ME1: variants seen among roughly 807,000 people sequenced by gnomAD.
ME1 encodes malic enzyme 1, also known as NADP-dependent malic enzyme.
ME1 carries 74 observed loss-of-function variants against 66.4 expected under a neutral mutation model. The ratio of observed to expected loss-of-function variants is 1.11; its 90% CI spans 0.92 to 1.35. ME1 has a LOEUF of 1.35. Ranked by LOEUF, ME1 falls within the 40% of genes most tolerant of loss-of-function variation. ME1 has a pLI of 0.00. For synonymous variants in ME1, 251 were observed against 235.6 expected (o/e 1.07, Z -0.60); for missense variants, 750 against 694.1 (o/e 1.08, Z -0.90).
At chr6:83,428,683 G>T (rs895123523) in intron 1 of ME1, among the ~76,000 whole-genome samples, 1 of 152,130 alleles carries the variant, frequency 6.6e-6, no homozygotes, top group African/African-American at 2.4e-5. Context: ...AGTTTCAATG[G>T]TACATAGGAA....
rs536496766 is a variant in ME1, at chr6:83,415,810, C to G, written c.79-7909G>C. Among the ~76,000 whole-genome samples, 3 of 152,204 alleles carry G rather than the reference C, an allele frequency of 2.0e-5. No individual in the cohort carries two copies. The East Asian group carries it at 5.8e-4, about 29-fold the overall frequency. ...TTGACCAAAATATATATCTACATAT[C>G]AGCATAAGTGCCAGAGTTTATGGGG... On this transcript the variant is annotated intron_variant, in intron 1 of 13. Coordinates refer to ENST00000369705, the MANE Select transcript of ME1 (RefSeq NM_002395.6).
intron 3 of ME1, among the ~76,000 whole-genome samples, chr6:83,387,326 A>C (rs1769528157): frequency 6.6e-6 from 1 of 152,178 alleles, no homozygotes; most frequent in South Asian, 2.1e-4. Flanking sequence ...TACAACGAGA[A>C]CATTTTTGGT....
intron 6 of ME1, among the ~76,000 whole-genome samples, chr6:83,302,798 G>T (rs184597848): frequency 6.6e-6 from 1 of 152,254 alleles, no homozygotes; most frequent in Non-Finnish European, 1.5e-5. Context: ...TTATACAATG[G>T]TGTAAAGGAT....
At chr6:83,418,358 G>C (rs993025080) in intron 1 of ME1, among the ~76,000 whole-genome samples, 1 of 129,920 alleles carries the variant, frequency 7.7e-6, no homozygotes, top group African/African-American at 2.9e-5. Flanking sequence ...GGAGGTTCAA[G>C]ACCCAGGAAG....
At chr6:83,266,776 G>C (rs975541041) in intron 6 of ME1, among the ~76,000 whole-genome samples, 1 of 152,110 alleles carries the variant, frequency 6.6e-6, no homozygotes, top group Non-Finnish European at 1.5e-5. Context: ...CCTTAAAATA[G>C]TGCAATAATT....
At chr6:83,417,355 T>A (rs1342283534) in intron 1 of ME1, among the ~76,000 whole-genome samples, 2 of 144,414 alleles carry the variant, frequency 1.4e-5, no homozygotes, top group African/African-American at 2.6e-5. Flanking sequence ...AACTAACATG[T>A]TTTTTTTGTT....
chr6:83,331,930 A>C (rs1298578677), intron 5 of ME1, among the ~76,000 whole-genome samples: 1 of 152,218 alleles, frequency 6.6e-6, no homozygotes, highest in Non-Finnish European at 1.5e-5. Flanking sequence ...TCAAATAGCA[A>C]GCCTCAATAT....
chr6:83,426,729 T>C (rs1039734865), intron 1 of ME1, among the ~76,000 whole-genome samples: 1 of 152,172 alleles, frequency 6.6e-6, no homozygotes, highest in Non-Finnish European at 1.5e-5. Flanking sequence ...TTAACTTCGA[T>C]AAAACACTAT....
intron 1 of ME1, among the ~76,000 whole-genome samples, chr6:83,413,984 G>A (rs1262763579): frequency 6.6e-6 from 1 of 151,768 alleles, no homozygotes; most frequent in Non-Finnish European, 1.5e-5. Flanking sequence ...GGTGGTGCAT[G>A]CCTGTGGTCC....
At chr6:83,251,718 G>A (rs534862626) in intron 7 of ME1, among the ~76,000 whole-genome samples, 6 of 152,134 alleles carry the variant, frequency 3.9e-5, no homozygotes, top group Middle Eastern at 3.4e-3. Context: ...AAGAAACCTG[G>A]CTCATTTCAG....
chr6:83,369,124 A>C (rs1293787017), intron 3 of ME1, among the ~76,000 whole-genome samples: 1 of 151,926 alleles, frequency 6.6e-6, no homozygotes, highest in Non-Finnish European at 1.5e-5. Context: ...ATTTTTTCCC[A>C]CTCTTCCTTG....
chr6:83,316,479 G>T (rs923489555), intron 5 of ME1, among the ~76,000 whole-genome samples: 2 of 152,076 alleles, frequency 1.3e-5, no homozygotes, highest in African/African-American at 4.8e-5. Context: ...ATTTAGCAGT[G>T]AAAGACTGAG....
intron 3 of ME1, among the ~76,000 whole-genome samples, chr6:83,379,648 AT>A (rs1769357915): frequency 6.6e-6 from 1 of 152,104 alleles, no homozygotes; most frequent in Admixed American, 6.6e-5. Context: ...TCTTAAAATT[AT>A]TTTTTTAGTT....
At chr6:83,357,935 C>CTCTCTCTCTCTCTATATATA (rs1447805761) in intron 3 of ME1, among the ~76,000 whole-genome samples, 5 of 30,040 alleles carry the variant, frequency 1.7e-4, no homozygotes, top group African/African-American at 3.5e-4. Flanking sequence ...CTCTCTCTCT[C>CTCTCTCTCTCTCTATATATA]TATATATATA....
chr6:83,294,942 TC>T (rs1258543332), intron 6 of ME1, among the ~76,000 whole-genome samples: 1 of 152,066 alleles, frequency 6.6e-6, no homozygotes, highest in Non-Finnish European at 1.5e-5. Flanking sequence ...CTGAGATTGC[TC>T]CAGAACCGTG....
At chr6:83,317,727 A>C (rs537405827) in intron 5 of ME1, among the ~76,000 whole-genome samples, 38 of 152,242 alleles carry the variant, frequency 2.5e-4, no homozygotes, top group East Asian at 9.7e-4. Context: ...CCATACTGCC[A>C]AAGGTAATTT....
chr6:83,389,447 T>C (rs1336656193), intron 3 of ME1, among the ~76,000 whole-genome samples: 1 of 152,024 alleles, frequency 6.6e-6, no homozygotes, highest in Non-Finnish European at 1.5e-5. Flanking sequence ...ACAATATAGT[T>C]GAGACAAAAT....
At chr6:83,380,238 A>G (rs1217358401) in intron 3 of ME1, among the ~76,000 whole-genome samples, 1 of 152,088 alleles carries the variant, frequency 6.6e-6, no homozygotes, top group Non-Finnish European at 1.5e-5. Context: ...AGGGCATTCA[A>G]CTTGGGGTAG....
rs761842278 is a variant in ME1 at position 83,216,580 on chromosome 6, A to T, written c.1466T>A (p.Val489Glu). 3 of 1,608,986 alleles carry T rather than the reference A, an allele frequency of 1.9e-6. No homozygotes were observed. The East Asian group carries it at 6.7e-5, about 36-fold the overall frequency. ...LTTAEVIAQQ[V>E]SDKHLEEGRL... ...ACCCTCTTCCAAGTGTTTATCTGACACTTGCTGAGCTATAACCTTATGAAA... is the reference window on the plus strand; with the variant it reads ...ACCCTCTTCCAAGTGTTTATCTGACTCTTGCTGAGCTATAACCTTATGAAA... The change falls in exon 13 of 14, where the codon GTG (valine) becomes GAG (glutamate). Residue 489 changes from valine to glutamate, a missense_variant. By Grantham distance (121) the Val-to-Glu change is moderately radical. Transcript: ENST00000369705.
Sources: gnomAD v4.1 joint callset for allele counts (sites outside exome capture counted in the v4.1 genomes callset) on GRCh38, gnomAD v4.1.1 for gene constraint, MANE v1.5 for transcripts, NCBI Gene and HGNC (gene_info 2026-07-23, HGNC 2026-07-21) for gene names.